The following PAPSS2 variants were observed in gnomAD, a reference collection of about 807,000 sequenced individuals.
PAPSS2 encodes the protein bifunctional 3'-phosphoadenosine 5'-phosphosulfate synthase 2.
PAPSS2 carries 61 observed loss-of-function variants against 66.5 expected under a neutral mutation model. The observed-to-expected ratio is 0.92, with a 90% confidence interval of 0.75 to 1.14. PAPSS2 has a LOEUF of 1.14. Among genes scored for constraint, PAPSS2 ranks in the 50% most tolerant of loss-of-function variants. The pLI is 0.00. For missense variants in PAPSS2, 708 were observed against 789.6 expected (o/e 0.90, Z 1.24); for synonymous variants, 289 against 287.5 (o/e 1.01, Z -0.05).
intron 7 of PAPSS2, among the ~76,000 whole-genome samples, chr10:87,716,262 T>A (rs1368953106): frequency 6.6e-6 from 1 of 152,162 alleles, no homozygotes; most frequent in African/African-American, 2.4e-5. Flanking sequence ...TGTCAAGCAT[T>A]ATTGCAACAA....
Position 87,713,208 on chromosome 10 carries a change from T to C in PAPSS2, c.279T>C (p.Pro93=). The C allele has an allele frequency of 6.2e-7, 1 of 1,609,594 alleles. No homozygotes were observed. The highest frequency in any genetic ancestry group is 8.5e-7 in the Non-Finnish European group (1 of 1,178,536). The stretch of plus-strand genomic sequence containing the variant: ...TTAACAGAAATCTCGGATTCTCTCC[T>C]GGGGACAGAGAGGAAAATATCCGCC... ...HGLNRNLGFS[P]GDREENIRRI... Residue 93 remains proline, a synonymous_variant, in exon 3 of 13, where the codon CCT becomes CCC. Coordinates refer to ENST00000456849, the MANE Select transcript of PAPSS2 (RefSeq NM_001015880.2).
In PAPSS2 at chr10:87,719,756, A is replaced by G. The variant is rs116932677; in HGVS notation, c.866-2000A>G. Among the ~76,000 whole-genome samples the G allele has an allele frequency of 4.7e-4, 71 of 152,202 alleles. 2 individuals are homozygous for G. In the East Asian group the frequency reaches 0.013, roughly 27 times the overall value. ...GCCAGGGTTTTTCTAGCGTCTGGAGATAGAATGGTAATGAAGGCAGGTGAG... is the reference window on the plus strand; with the variant it reads ...GCCAGGGTTTTTCTAGCGTCTGGAGGTAGAATGGTAATGAAGGCAGGTGAG... On this transcript the variant is annotated intron_variant, in intron 7 of 12. Coordinates refer to ENST00000456849, the MANE Select transcript of PAPSS2 (RefSeq NM_001015880.2).
At chr10:87,720,278 G>T (rs777204670) in intron 7 of PAPSS2, among the ~76,000 whole-genome samples, 4 of 152,188 alleles carry the variant, frequency 2.6e-5, no homozygotes, top group Admixed American at 6.5e-5. Context: ...CACTCCCCCA[G>T]TAGAAGGGAG....
intron 1 of PAPSS2, among the ~76,000 whole-genome samples, chr10:87,663,968 G>A (rs966872044): frequency 1.3e-5 from 2 of 152,142 alleles, no homozygotes; most frequent in Non-Finnish European, 2.9e-5. Flanking sequence ...GTGCAGTGCT[G>A]CTATAATGGG....
intron 1 of PAPSS2, among the ~76,000 whole-genome samples, chr10:87,667,647 A>C (rs1020578066): frequency 7.2e-5 from 11 of 152,228 alleles, no homozygotes; most frequent in African/African-American, 2.7e-4. Context: ...CTGCATTTCA[A>C]ATTTACTACT....
At position 87,745,067 on chromosome 10, in the gene PAPSS2, T is replaced by C. The variant is rs748087437; in HGVS notation, c.1557T>C (p.Pro519=). 21 of 1,614,082 alleles carry C rather than the reference T, an allele frequency of 1.3e-5. No individual in the cohort carries two copies. The highest frequency in any genetic ancestry group is 3.3e-4 in the Middle Eastern group (2 of 6,060). ...ATTTCTACATTGTGGGGAGGGACCC[T>C]GCAGGAATGCCCCATCCTGAAACCA... ...GANFYIVGRD[P]AGMPHPETKK... The change falls in exon 12 of 13, where the codon CCT becomes CCC. Residue 519 remains proline, a synonymous_variant. Transcript: ENST00000456849.
intron 1 of PAPSS2, among the ~76,000 whole-genome samples, chr10:87,707,561 T>C (rs1011296046): frequency 1.4e-5 from 2 of 141,556 alleles, no homozygotes; most frequent in Admixed American, 1.5e-4. Flanking sequence ...ATTTCTTTTT[T>C]TTCTTTTTTT....
At position 87,674,326 on chromosome 10, in the gene PAPSS2, G is replaced by A. The variant is rs569427168; in HGVS notation, c.27+14318G>A. 5.3e-5 allele frequency among the ~76,000 whole-genome samples: 8 copies of A among 152,124 alleles called. No homozygotes were observed. The South Asian group carries it at 8.3e-4, about 16-fold the overall frequency. ...ATTACAGGCACGTGCCACCACACCC[G>A]GCTAATTTTTTATATTTTTGGTAGA... On this transcript the variant is annotated intron_variant, in intron 1 of 12. Coordinates refer to ENST00000456849, the MANE Select transcript of PAPSS2 (RefSeq NM_001015880.2).
chr10:87,730,100 C>T (rs1225585766), intron 9 of PAPSS2, among the ~76,000 whole-genome samples: 3 of 152,202 alleles, frequency 2.0e-5, no homozygotes, highest in Admixed American at 1.3e-4. Context: ...AGTGAGCTAA[C>T]AAATGATAAG....
intron 1 of PAPSS2, among the ~76,000 whole-genome samples, chr10:87,665,117 T>C (rs1852798728): frequency 6.6e-6 from 1 of 152,210 alleles, no homozygotes; most frequent in Non-Finnish European, 1.5e-5. Flanking sequence ...CCTTCAGGCC[T>C]AGGATGAATG....
intron 7 of PAPSS2, 138 bp from the exon 8 acceptor site, chr10:87,721,618 T>C (rs1853599795): frequency 3.2e-6 from 2 of 623,276 alleles, no homozygotes; most frequent in African/African-American, 1.9e-5. Flanking sequence ...TTTTTAAAAA[T>C]AGCATGACAA....
At chr10:87,679,860 T>C (rs192387168) in intron 1 of PAPSS2, among the ~76,000 whole-genome samples, 5 of 151,942 alleles carry the variant, frequency 3.3e-5, no homozygotes, top group African/African-American at 1.2e-4. Context: ...ACCCCATCTC[T>C]ACAAAAAATA....
chr10:87,699,674 A>G lies in PAPSS2; in HGVS notation c.28-9522A>G, dbSNP rs12264407. 1.6e-3 allele frequency among the ~76,000 whole-genome samples: 243 copies of G among 151,432 alleles called. 1 individual carries two copies. The highest frequency in any genetic ancestry group is 5.6e-3 in the African/African-American group (229 of 41,210). On this transcript the variant is annotated intron_variant, in intron 1 of 12. Transcript: ENST00000456849. ...AGACCATCCTGGCCAACATGGTGAA[A>G]CCCCACCTCTACTAAAAATACAAAA...
chr10:87,689,097 T>A (rs1055921405), intron 1 of PAPSS2, among the ~76,000 whole-genome samples: 1 of 152,132 alleles, frequency 6.6e-6, no homozygotes, highest in South Asian at 2.1e-4. Context: ...TCCCAGCACT[T>A]TGGGAGTCCA....
chr10:87,663,106 CTTTTTT>C (rs1184871976), intron 1 of PAPSS2, among the ~76,000 whole-genome samples: 6 of 67,606 alleles, frequency 8.9e-5, no homozygotes, highest in African/African-American at 2.0e-4. Context: ...GAAGTAGCCA[CTTTTTT>C]TTTTTTTTTT....
At chr10:87,715,410 A>C (rs1189263087) in intron 6 of PAPSS2, among the ~76,000 whole-genome samples, 1 of 152,222 alleles carries the variant, frequency 6.6e-6, no homozygotes, top group East Asian at 1.9e-4. Flanking sequence ...TAGCCAGACC[A>C]GGATTTTTGT....
At chr10:87,704,614 A>G (rs1853359506) in intron 1 of PAPSS2, among the ~76,000 whole-genome samples, 1 of 152,004 alleles carries the variant, frequency 6.6e-6, no homozygotes, top group African/African-American at 2.4e-5. Flanking sequence ...ATCTTATTGT[A>G]TATTTTCTCA....
In PAPSS2 at chr10:87,715,839, A is replaced by G. The variant is rs150727538; in HGVS notation, c.861A>G (p.Leu287=). 512 of 1,563,558 alleles carry G rather than the reference A, an allele frequency of 3.3e-4. 1 individual carries two copies. The African/African-American group carries it at 6.2e-3, about 19-fold the overall frequency. The change falls in exon 7 of 13, where the codon CTA becomes CTG. Residue 287 remains leucine, a synonymous_variant. Coordinates refer to ENST00000456849, the MANE Select transcript of PAPSS2 (RefSeq NM_001015880.2). ...AGGTTATGCACTTTGACACCCTGCT[A>G]GATGGTATGTTTTTGTTGTTGTTTC... ...YLQVMHFDTL[L]DGMALPDGVI... is the part of the protein sequence containing the mutation.
intron 1 of PAPSS2, among the ~76,000 whole-genome samples, chr10:87,694,278 A>G (rs1853205829): frequency 6.6e-6 from 1 of 152,238 alleles, no homozygotes; most frequent in Non-Finnish European, 1.5e-5. Context: ...AGGAAATCAA[A>G]GCTGTATAAG....
Sources: allele counts gnomAD v4.1 joint callset (sites outside exome capture counted in the v4.1 genomes callset), GRCh38; gene constraint gnomAD v4.1.1; transcripts MANE v1.5; gene names NCBI Gene and HGNC (gene_info 2026-07-23, HGNC 2026-07-21).